The following GPR157 variants were observed in gnomAD, a reference collection of about 807,000 sequenced individuals.
The protein encoded by GPR157 is G protein-coupled receptor 157.
Under a neutral mutation model 23.5 loss-of-function variants are expected in GPR157, and 16 were observed. That is an observed-to-expected ratio of 0.68 (90% CI 0.46 to 1.04). GPR157 has a LOEUF of 1.04. Among genes scored for constraint, GPR157 ranks in the 50% least tolerant of loss-of-function variants. GPR157 has a pLI of 0.00. For missense variants in GPR157, 440 were observed against 460.7 expected, an observed-to-expected ratio of 0.96 and a Z score of 0.41; for synonymous variants, 200 against 221.5, an observed-to-expected ratio of 0.90 and a Z score of 0.86.
At chr1:9,114,920 CAAAAAAAAAAA>C (rs70985588) in intron 1 of GPR157, among the ~76,000 whole-genome samples, 5 of 85,508 alleles carry the variant, frequency 5.8e-5, no homozygotes, top group African/African-American at 1.8e-4. Flanking sequence ...GACTCCGTCT[CAAAAAAAAAAA>C]AAAAAAAAAA....
intron 2 of GPR157, among the ~76,000 whole-genome samples, chr1:9,109,776 G>A (rs1638435287): frequency 2.0e-5 from 3 of 152,194 alleles, no homozygotes; most frequent in Admixed American, 1.3e-4. Flanking sequence ...GGGGTCTAGG[G>A]CGGGTGAGAA....
rs564215760 is a variant in GPR157 at position 9,120,827 on chromosome 1, C to G, written c.383+7818G>C. On this transcript the variant is annotated intron_variant, in intron 1 of 3. Transcript: ENST00000377411. This position sits in a 1 kb window ranked among gnomAD's most constrained non-coding sequence, Gnocchi z 4.1. ...CTTCCTGCTGCACACAGGGACACAG[C>G]GCTGCCACCTTCACCAGTCACCTCA... Among the ~76,000 whole-genome samples the G allele has an allele frequency of 2.0e-5, 3 of 152,198 alleles. No homozygotes were observed. The highest frequency in any genetic ancestry group is 7.2e-5 in the African/African-American group (3 of 41,444).
chr1:9,106,389 T>C (rs116023246), intron 2 of GPR157, among the ~76,000 whole-genome samples: 1 of 151,968 alleles, frequency 6.6e-6, no homozygotes, highest in Non-Finnish European at 1.5e-5. Flanking sequence ...CCGAGTCTGC[T>C]CCAGTGAGTC....
At chr1:9,111,853 T>G (rs11121325) in intron 1 of GPR157, among the ~76,000 whole-genome samples, 1 of 152,086 alleles carries the variant, frequency 6.6e-6, no homozygotes, top group African/African-American at 2.4e-5. Context: ...ACCTGTAATC[T>G]CAGCTACTTG....
At chr1:9,121,325 C>G (rs564332592) in intron 1 of GPR157, among the ~76,000 whole-genome samples, 1 of 149,792 alleles carries the variant, frequency 6.7e-6, no homozygotes, top group South Asian at 2.1e-4. Context: ...GAGCCAGACT[C>G]TGTCTCAAAA....
Position 9,103,078 on chromosome 1 carries a change from C to T in GPR157, c.*1341G>A, listed in dbSNP as rs1313288445. On this transcript the variant is annotated 3_prime_UTR_variant, in exon 4 of 4. Transcript: ENST00000377411. Reference sequence around the variant, plus strand: ...CAGGCACGCACCACCACATCAGCTCCGGGCGACAGAATGAGGCTCCTTTTT... The same window carrying T: ...CAGGCACGCACCACCACATCAGCTCTGGGCGACAGAATGAGGCTCCTTTTT... 7.3e-6 allele frequency: 1 copy of T among 136,338 alleles called. No individual in the cohort carries two copies. The highest frequency in any genetic ancestry group is 2.8e-5 in the African/African-American group (1 of 36,120). 8.4% of individuals were successfully genotyped at this position (136,338 alleles called of 1,614,324 possible). A position where few individuals can be genotyped will look rare whatever the true frequency, so the allele number is the denominator to read the frequency against.
intron 2 of GPR157, among the ~76,000 whole-genome samples, chr1:9,109,117 C>T (rs193120880): frequency 1.1e-4 from 14 of 131,090 alleles, no homozygotes; most frequent in Admixed American, 4.4e-4. Flanking sequence ...GAGTCTTGCT[C>T]TGTGGCCCAG....
In GPR157 at chr1:9,118,806, AG is replaced by A. The variant is rs942995125; in HGVS notation, c.384-7318del. Among the ~76,000 whole-genome samples the A allele has an allele frequency of 6.6e-6, 1 of 152,136 alleles. No individual in the cohort carries two copies. Among genetic ancestry groups the A allele is most frequent in the African/African-American group, 2.4e-5 (1 of 41,434 alleles). On this transcript the variant is annotated intron_variant, in intron 1 of 3. Coordinates refer to ENST00000377411, the MANE Select transcript of GPR157 (RefSeq NM_024980.5). This position sits in a 1 kb window ranked among gnomAD's most constrained non-coding sequence, Gnocchi z 4.6. ...TAATCCCAGCACTCTGGGAGGCCAA[AG>A]GATCACTTGAACCCAGGAGAGTTTG...
chr1:9,104,350 C>T lies in GPR157; in HGVS notation c.*69G>A. On this transcript the variant is annotated 3_prime_UTR_variant, in exon 4 of 4. Coordinates refer to ENST00000377411, the MANE Select transcript of GPR157 (RefSeq NM_024980.5). ...CAGACATGCACTTCTGCCCCTGCAG[C>T]AGGGACTCACAGAAGTGCCTACCCC... 1 of 1,146,312 alleles carries T rather than the reference C, an allele frequency of 8.7e-7. No homozygotes were observed. The highest frequency in any genetic ancestry group is 1.3e-6 in the Non-Finnish European group (1 of 769,940). The allele number at this position is 1,146,312 out of a possible 1,614,324, so 71.0% of individuals were successfully genotyped here.
At chr1:9,109,489 T>C (rs1638427996) in intron 2 of GPR157, among the ~76,000 whole-genome samples, 1 of 152,050 alleles carries the variant, frequency 6.6e-6, no homozygotes, top group South Asian at 2.1e-4. Context: ...ATCTCTTGGG[T>C]TCAAGTGATT....
rs767383145 is a variant in GPR157, at chr1:9,105,578, A to G, written c.700T>C (p.Phe234Leu). The change falls in exon 3 of 4, where the codon TTC becomes CTC. Residue 234 changes from phenylalanine to leucine, a missense_variant. Phe to Leu is a conservative substitution (Grantham distance 22). Transcript: ENST00000377411. This position sits in a 1 kb window ranked among gnomAD's most constrained non-coding sequence, Gnocchi z 4.8. ...DKKLVLIPLI[F>L]IGLRVWSTVR... The stretch of plus-strand genomic sequence containing the variant: ...GTGCTCCAGACCCTGAGGCCGATGA[A>G]GATGAGCGGGATGAGCACCAGCTTC... The G allele has an allele frequency of 6.2e-7, 1 of 1,610,142 alleles. No individual in the cohort carries two copies. Among genetic ancestry groups the G allele is most frequent in the African/African-American group, 1.3e-5 (1 of 74,886 alleles).
At chr1:9,124,854 C>T (rs1396567588) in intron 1 of GPR157, among the ~76,000 whole-genome samples, 1 of 152,208 alleles carries the variant, frequency 6.6e-6, no homozygotes, top group Non-Finnish European at 1.5e-5. Context: ...TGTACTTCTG[C>T]ATACAGATGT....
Position 9,100,809 on chromosome 1 carries a change from C to CTTGAGCCCAGGAGT in GPR157, c.*3609_*3610insACTCCTGGGCTCAA, listed in dbSNP as rs947065280. ...CCTGATCAGATGTAACAGCCCCTCG[C>CTTGAGCCCAGGAGT]TTGAGATCTGACTGGGCAACATGGC... On this transcript the variant is annotated 3_prime_UTR_variant, in exon 4 of 4. Transcript: ENST00000377411. 2.8e-5 allele frequency: 2 copies of CTTGAGCCCAGGAGT among 71,200 alleles called. No homozygotes were observed. The highest frequency in any genetic ancestry group is 6.5e-5 in the Non-Finnish European group (2 of 30,628). The allele number at this position is 71,200 out of a possible 1,614,324, so 4.4% of individuals were successfully genotyped here. A position where few individuals can be genotyped will look rare whatever the true frequency, so the allele number is the denominator to read the frequency against.
chr1:9,119,884 C>A (rs1032059451), intron 1 of GPR157, among the ~76,000 whole-genome samples: 20 of 152,204 alleles, frequency 1.3e-4, no homozygotes, highest in African/African-American at 4.3e-4. Flanking sequence ...ATCTGCGAGA[C>A]CTGAATTCCC....
intron 2 of GPR157, among the ~76,000 whole-genome samples, chr1:9,109,907 G>C (rs922007533): frequency 3.9e-5 from 6 of 152,138 alleles, no homozygotes; most frequent in Non-Finnish European, 7.3e-5. Context: ...GGTGCCTCCT[G>C]ACTCAGAAAT....
At chr1:9,108,257 C>CCCT (rs201867471) in intron 2 of GPR157, among the ~76,000 whole-genome samples, 50 of 151,742 alleles carry the variant, frequency 3.3e-4, no homozygotes, top group South Asian at 3.1e-3. Flanking sequence ...CTCAGAGCCG[C>CCCT]CCTCCTCCTC....
At chr1:9,123,234 A>G (rs1252249365) in intron 1 of GPR157, among the ~76,000 whole-genome samples, 4 of 71,992 alleles carry the variant, frequency 5.6e-5, no homozygotes, top group African/African-American at 3.1e-4. Flanking sequence ...ATATATTTAA[A>G]TATATATTAA....
In GPR157 at chr1:9,105,534, G is replaced by A; in HGVS notation, c.744C>T (p.Thr248=). The change falls in exon 3 of 4, where the codon ACC becomes ACT. Residue 248 remains threonine (T), a synonymous_variant. Transcript: ENST00000377411. This position sits in a 1 kb window ranked among gnomAD's most constrained non-coding sequence, Gnocchi z 4.8. ...TCTGCACGGCCGGGGAGCCACAGAG[G>A]GTCAGCACGAACCGCACGGTGCTCC... ...RVWSTVRFVL[T]LCGSPAVQTP... The A allele has an allele frequency of 6.3e-7, 1 of 1,594,052 alleles. No homozygotes were observed. Among genetic ancestry groups the A allele is most frequent in the Non-Finnish European group, 8.5e-7 (1 of 1,171,306 alleles).
In GPR157 at chr1:9,123,306, TAAATATATATTA is replaced by T. The variant is rs1557700733; in HGVS notation, c.383+5327_383+5338del. ...TATTTAAATTAATATATATTTAATTTAAATATATATTAAAATATATATATTTAATTTAAATAT... is the reference window on the plus strand; with the variant it reads ...TATTTAAATTAATATATATTTAATTTAAATATATATATTTAATTTAAATAT... On this transcript the variant is annotated intron_variant, in intron 1 of 3. Coordinates refer to ENST00000377411, the MANE Select transcript of GPR157 (RefSeq NM_024980.5). Among the ~76,000 whole-genome samples, 62 of 48,892 alleles carry T rather than the reference TAAATATATATTA, an allele frequency of 1.3e-3. 1 individual carries two copies. The highest frequency in any genetic ancestry group is 3.6e-3 in the African/African-American group (37 of 10,266). 32.1% of individuals were successfully genotyped at this position (48,892 alleles called of 152,430 possible).
Sources: allele counts gnomAD v4.1 joint callset (sites outside exome capture counted in the v4.1 genomes callset), GRCh38; gene constraint gnomAD v4.1.1; non-coding constraint Gnocchi (gnomAD v3.1); transcripts MANE v1.5; gene names NCBI Gene and HGNC (gene_info 2026-07-23, HGNC 2026-07-21).